Variants in MLC1 observed in about 807,000 individuals in gnomAD.
MLC1 encodes the protein modulator of VRAC current 1, also known as membrane protein MLC1.
A neutral mutation model predicts 44.7 loss-of-function variants in MLC1; 32 were observed. The observed-to-expected ratio is 0.72, with a 90% CI of 0.54 to 0.96. The LOEUF (loss-of-function observed/expected upper bound fraction) is 0.96. Among genes scored for constraint, MLC1 ranks in the 40% least tolerant of loss-of-function variants. MLC1 has a pLI of 0.00. For synonymous variants in MLC1, 190 were observed against 213.0 expected (o/e 0.89, Z 0.94); for missense variants, 459 against 492.2 (o/e 0.93, Z 0.64).
rs761978393 is a variant in MLC1, at chr22:50,064,042, C to A, written c.1051G>T (p.Ala351Ser). 1.2e-6 allele frequency: 2 copies of A among 1,603,698 alleles called. No homozygotes were observed. Among genetic ancestry groups the A allele is most frequent in the South Asian group, 1.1e-5 (1 of 90,704 alleles). The stretch of plus-strand genomic sequence containing the variant: ...CCCTGCAGGCCACTCACCTCCCCAG[C>A]CAGGCGCTCCTGCGGGCCGTTCTGG... Reference protein sequence around the residue: ...DTQNGPQERLAGEVARSPLKE... With the variant: ...DTQNGPQERLSGEVARSPLKE... Residue 351 changes from alanine to serine, a missense_variant, in exon 11 of 12, where the codon GCT (alanine) becomes TCT (serine). By Grantham distance (99) the Ala-to-Ser change is moderately conservative. Coordinates refer to ENST00000311597, the MANE Select transcript of MLC1 (RefSeq NM_015166.4).
chr22:50,082,333 A>T (rs2062167172), intron 3 of MLC1, among the ~76,000 whole-genome samples: 1 of 152,184 alleles, frequency 6.6e-6, no homozygotes. Context: ...GACGCTGGGG[A>T]GGCAGTGGCC....
intron 5 of MLC1, among the ~76,000 whole-genome samples, chr22:50,078,150 G>T (rs923858932): frequency 6.6e-6 from 1 of 151,836 alleles, no homozygotes; most frequent in Non-Finnish European, 1.5e-5. Flanking sequence ...CTACCAGCAC[G>T]CCCGGCTAAT....
intron 7 of MLC1, chr22:50,074,709 C>T: frequency 3.2e-6 from 1 of 314,088 alleles, no homozygotes; most frequent in Non-Finnish European, 6.3e-6. Flanking sequence ...ATCGAAGGGA[C>T]TCGGGAAAAC....
chr22:50,063,910 G>T, intron 11 of MLC1, 124 bp downstream of exon 11: 2 of 1,035,056 alleles, frequency 1.9e-6, no homozygotes, highest in Non-Finnish European at 2.7e-6. Context: ...CCCCGGCTGG[G>T]CACCCCTGTG....
rs1298704214 is a variant in MLC1, at chr22:50,083,014, C to T, written c.267+70G>A. The T allele has an allele frequency of 6.8e-7, 1 of 1,472,480 alleles. No individual in the cohort carries two copies. The highest frequency in any genetic ancestry group is 1.4e-5 in the African/African-American group (1 of 71,870). 91.2% of individuals were successfully genotyped at this position (1,472,480 alleles called of 1,614,324 possible). A position where few individuals can be genotyped will look rare whatever the true frequency, so the allele number is the denominator to read the frequency against. On this transcript the variant is annotated intron_variant, in intron 3 of 11. Transcript: ENST00000311597. The surrounding 1 kb of genome is among the most constrained non-coding windows in gnomAD (Gnocchi z 4.6). ...ACAGGTGACAGAAACCTGCACATCT[C>T]AGAACAAAGAAACCAGAGCACGTGC...
intron 11 of MLC1, among the ~76,000 whole-genome samples, chr22:50,062,798 C>T (rs530987617): frequency 6.6e-6 from 1 of 152,334 alleles, no homozygotes; most frequent in Admixed American, 6.5e-5. Context: ...GGTCACTGCA[C>T]CTGAGGGTCA....
intron 10 of MLC1, among the ~76,000 whole-genome samples, chr22:50,067,567 CCCCCCGTCAGGCAGTGACTCCAT>C (rs2061735676): frequency 1.5e-5 from 1 of 68,238 alleles, no homozygotes; most frequent in African/African-American, 5.5e-5. Flanking sequence ...GTGACTCCAT[CCCCCCGTCAGGCAGTGACTCCAT>C]CCCCCGTCAG....
intron 2 of MLC1, among the ~76,000 whole-genome samples, chr22:50,084,348 G>A (rs2062226929): frequency 6.6e-6 from 1 of 152,118 alleles, no homozygotes; most frequent in African/African-American, 2.4e-5. Context: ...GGTTCTCTCT[G>A]TGAGGGCCGA....
rs993641645 is a variant in MLC1 at position 50,067,521 on chromosome 22, C to A, written c.894+912G>T. The stretch of plus-strand genomic sequence containing the variant: ...CCCCTGTCAGGCAGTGACTCCATCC[C>A]CCTGTCAGGCAGTGACTCCATCCCC... On this transcript the variant is annotated intron_variant, in intron 10 of 11. Transcript: ENST00000311597. Among the ~76,000 whole-genome samples the A allele has an allele frequency of 5.0e-3, 504 of 100,204 alleles. 9 individuals carry two copies. The highest frequency in any genetic ancestry group is 8.3e-3 in the Non-Finnish European group (380 of 45,922). The allele number at this position is 100,204 out of a possible 152,430, so 65.7% of individuals were successfully genotyped here.
At chr22:50,069,877 G>A (rs943335210) in intron 9 of MLC1, among the ~76,000 whole-genome samples, 2 of 151,962 alleles carry the variant, frequency 1.3e-5, no homozygotes, top group Non-Finnish European at 2.9e-5. Context: ...AGTCATTAAC[G>A]ATCGACCAGT....
chr22:50,078,945 C>T (rs1030769796), intron 5 of MLC1, among the ~76,000 whole-genome samples: 1 of 152,092 alleles, frequency 6.6e-6, no homozygotes, highest in African/African-American at 2.4e-5. Flanking sequence ...CAGATACAAG[C>T]CACTGACCCA....
At chr22:50,065,876 G>T (rs1239822560) in intron 10 of MLC1, among the ~76,000 whole-genome samples, 2 of 152,266 alleles carry the variant, frequency 1.3e-5, no homozygotes, top group African/African-American at 2.4e-5. Context: ...CGTGCAGGTT[G>T]TTCACGGAGG....
chr22:50,080,488 T>G, intron 3 of MLC1, 91 bp from the exon 4 acceptor site: 1 of 1,350,758 alleles, frequency 7.4e-7, no homozygotes, highest in Non-Finnish European at 1.0e-6. Flanking sequence ...CAGAAGGATC[T>G]GAATCATATT....
At chr22:50,077,639 G>T in intron 5 of MLC1, 137 bp from the exon 6 acceptor site, 1 of 724,988 alleles carries the variant, frequency 1.4e-6, no homozygotes. Context: ...TCCAGGGCCA[G>T]CTGTGAGGCA....
In MLC1 at chr22:50,060,952, G is replaced by T. The variant is rs2061548941; in HGVS notation, c.*631C>A. The T allele has an allele frequency of 6.3e-6, 1 of 158,270 alleles. No homozygotes were observed. The highest frequency in any genetic ancestry group is 5.9e-5 in the Admixed American group (1 of 16,916). The allele number at this position is 158,270 out of a possible 1,614,324, so 9.8% of individuals were successfully genotyped here. A position where few individuals can be genotyped will look rare whatever the true frequency, so the allele number is the denominator to read the frequency against. On this transcript the variant is annotated 3_prime_UTR_variant, in exon 12 of 12. Coordinates refer to ENST00000311597, the MANE Select transcript of MLC1 (RefSeq NM_015166.4). ...ACTGGTGTGGATTTCACCTGGGAGA[G>T]CAGCGGCAGCCTGTGTCGCTTGCGC...
rs202099352 is a variant in MLC1 at position 50,083,213 on chromosome 22, C to G, written c.178-40G>C. 4 of 1,560,656 alleles carry G rather than the reference C, an allele frequency of 2.6e-6. No homozygotes were observed. In the Admixed American group the frequency reaches 5.0e-5, roughly 20 times the overall value. ...CAGAATCCCAGGTTACAACGCGCCC[C>G]GTCCCCAGGCTGGACCCTGACCCTT... is the stretch of plus-strand genomic sequence containing the variant. On this transcript the variant is annotated intron_variant, in intron 2 of 11. Coordinates refer to ENST00000311597, the MANE Select transcript of MLC1 (RefSeq NM_015166.4). This position sits in a 1 kb window ranked among gnomAD's most constrained non-coding sequence, Gnocchi z 4.6.
chr22:50,080,169 T>C, intron 4 of MLC1, 150 bp from the exon 5 acceptor site: 1 of 1,089,094 alleles, frequency 9.2e-7, no homozygotes, highest in Non-Finnish European at 1.4e-6. Context: ...CTCTCCCCTC[T>C]GTGCGGCAAA....
chr22:50,075,477 C>T (rs905986980), intron 7 of MLC1, among the ~76,000 whole-genome samples: 2 of 152,004 alleles, frequency 1.3e-5, no homozygotes, highest in Admixed American at 6.6e-5. Flanking sequence ...TTTGGGAGGC[C>T]GAGGCAGACG....
chr22:50,082,343 C>T lies in MLC1; in HGVS notation c.267+741G>A, dbSNP rs566252590. Among the ~76,000 whole-genome samples, 131 of 152,320 alleles carry T rather than the reference C, an allele frequency of 8.6e-4. 1 individual carries two copies. Among genetic ancestry groups the T allele is most frequent in the African/African-American group, 3.0e-3 (123 of 41,586 alleles). ...GCCGGGACGCTGGGGAGGCAGTGGCCGGGGTTCACAGAGGACCAGGGGACA... is the reference window on the plus strand; with the variant it reads ...GCCGGGACGCTGGGGAGGCAGTGGCTGGGGTTCACAGAGGACCAGGGGACA... On this transcript the variant is annotated intron_variant, in intron 3 of 11. Coordinates refer to ENST00000311597, the MANE Select transcript of MLC1 (RefSeq NM_015166.4).
Sources: allele counts gnomAD v4.1 joint callset (sites outside exome capture counted in the v4.1 genomes callset), GRCh38; gene constraint gnomAD v4.1.1; non-coding constraint Gnocchi (gnomAD v3.1); transcripts MANE v1.5; gene names NCBI Gene and HGNC (gene_info 2026-07-23, HGNC 2026-07-21).